A1CF: variants seen among roughly 807,000 people sequenced by gnomAD.
A1CF encodes the protein APOBEC-1 stimulating protein.
A neutral mutation model predicts 68.9 loss-of-function variants in A1CF; 48 were observed. The ratio of observed to expected loss-of-function variants is 0.70; its 90% CI spans 0.55 to 0.89. A1CF has a LOEUF of 0.89. Ranked by LOEUF, A1CF falls within the 40% of genes least tolerant of loss-of-function variation. The pLI, the probability that A1CF is intolerant of heterozygous loss-of-function variation, is 0.00. For synonymous variants in A1CF, 272 were observed against 260.4 expected, an observed-to-expected ratio of 1.04 and a Z score of -0.43; for missense variants, 653 against 718.9, an observed-to-expected ratio of 0.91 and a Z score of 1.05.
At chr10:50,878,492 G>A (rs1165926779) in intron 1 of A1CF, among the ~76,000 whole-genome samples, 3 of 152,194 alleles carry the variant, frequency 2.0e-5, no homozygotes, top group African/African-American at 7.2e-5. Flanking sequence ...GTAGCAAGTG[G>A]TAGAGCCAGA....
chr10:50,835,075 A>G (rs570373177), intron 6 of A1CF, among the ~76,000 whole-genome samples: 33 of 152,262 alleles, frequency 2.2e-4, no homozygotes, highest in African/African-American at 7.7e-4. Flanking sequence ...AGAAGTTGTG[A>G]ATGAAAGATT....
intron 1 of A1CF, among the ~76,000 whole-genome samples, chr10:50,873,761 A>G (rs956802121): frequency 2.6e-5 from 4 of 152,230 alleles, no homozygotes; most frequent in South Asian, 4.1e-4. Flanking sequence ...ACCATCCTAT[A>G]TGGAATCATT....
chr10:50,821,442 A>G (rs545468659), intron 7 of A1CF, among the ~76,000 whole-genome samples: 52 of 152,264 alleles, frequency 3.4e-4, no homozygotes, highest in African/African-American at 1.1e-3. Flanking sequence ...TTTAATGTCT[A>G]TTTTCATGAG....
At chr10:50,836,614 T>C (rs1178421423) in intron 5 of A1CF, among the ~76,000 whole-genome samples, 1 of 151,878 alleles carries the variant, frequency 6.6e-6, no homozygotes, top group Non-Finnish European at 1.5e-5. Context: ...TATGTATACA[T>C]GTGCCATGTT....
intron 3 of A1CF, among the ~76,000 whole-genome samples, chr10:50,853,944 T>C (rs2132503426): frequency 6.6e-6 from 1 of 152,192 alleles, no homozygotes; most frequent in East Asian, 1.9e-4. Context: ...ATTTTCTAAC[T>C]GCAGAACAAA....
chr10:50,822,354 G>A (rs980018199), intron 7 of A1CF, among the ~76,000 whole-genome samples: 1 of 152,166 alleles, frequency 6.6e-6, no homozygotes, highest in African/African-American at 2.4e-5. Flanking sequence ...TCACTTGGGT[G>A]TACCTTGAGA....
At chr10:50,846,831 AT>A (rs1159235408) in intron 3 of A1CF, among the ~76,000 whole-genome samples, 2 of 152,122 alleles carry the variant, frequency 1.3e-5, no homozygotes, top group African/African-American at 4.8e-5. Flanking sequence ...TCCAAAGAAT[AT>A]TTTTTGAGAC....
chr10:50,823,283 G>A (rs4935193), intron 7 of A1CF, among the ~76,000 whole-genome samples: 3,217 of 152,174 alleles, frequency 0.021, 156 homozygotes, highest in Admixed American at 0.11. Context: ...ATTTTATTAT[G>A]TTTCTTCTTT....
chr10:50,820,142 G>A (rs907277044), intron 8 of A1CF, among the ~76,000 whole-genome samples: 1 of 152,184 alleles, frequency 6.6e-6, no homozygotes, highest in South Asian at 2.1e-4. Context: ...CCAAGTGGAA[G>A]ATCAAACTAT....
chr10:50,833,007 T>G (rs1445678976), intron 6 of A1CF, among the ~76,000 whole-genome samples: 1 of 152,194 alleles, frequency 6.6e-6, no homozygotes, highest in Non-Finnish European at 1.5e-5. Flanking sequence ...CCCAGTATCA[T>G]TAGCTGATAG....
At chr10:50,845,880 G>A (rs991358196) in intron 3 of A1CF, among the ~76,000 whole-genome samples, 10 of 151,656 alleles carry the variant, frequency 6.6e-5, no homozygotes, top group African/African-American at 2.4e-4. Context: ...CTTGAACCCA[G>A]GAAGTAGAGG....
rs1837750890 is a variant in A1CF at position 50,804,902 on chromosome 10, T to C, written c.*1827A>G. The C allele has an allele frequency of 6.6e-6, 1 of 152,186 alleles. No homozygotes were observed. The highest frequency in any genetic ancestry group is 2.1e-4 in the South Asian group (1 of 4,826). 9.4% of individuals were successfully genotyped at this position (152,186 alleles called of 1,614,324 possible). ...AGGCACCCATCCAAGGAAATTCTAG[T>C]GTAAATTTTATGAGATATGTTATTG... is the stretch of plus-strand genomic sequence containing the variant. On this transcript the variant is annotated 3_prime_UTR_variant, in exon 13 of 13. Coordinates refer to ENST00000373997, the MANE Select transcript of A1CF (RefSeq NM_014576.4).
At position 50,827,496 on chromosome 10, in the gene A1CF, A is replaced by G. The variant is rs1839008379; in HGVS notation, c.769+635T>C. On this transcript the variant is annotated intron_variant, in intron 7 of 12. Coordinates refer to ENST00000373997, the MANE Select transcript of A1CF (RefSeq NM_014576.4). ...TAAGAAACTCACCCCAAACCACTCA[A>G]CTACAAGGAAACTGAACAGCCTGCT... 2.0e-5 allele frequency among the ~76,000 whole-genome samples: 3 copies of G among 152,200 alleles called. No homozygotes were observed. The South Asian group carries it at 6.2e-4, about 32-fold the overall frequency.
intron 1 of A1CF, among the ~76,000 whole-genome samples, chr10:50,870,781 C>G (rs550842158): frequency 8.4e-4 from 127 of 151,800 alleles, no homozygotes; most frequent in Non-Finnish European, 1.5e-3. Flanking sequence ...TCTACAAACT[C>G]ATCATATCTG....
In A1CF at chr10:50,881,134, T is replaced by C. The variant is rs139344643; in HGVS notation, c.-94+4447A>G. On this transcript the variant is annotated intron_variant, in intron 1 of 12. Transcript: ENST00000373997. ...CCTCCTGGGTAGCTGGGATTACAGG[T>C]ACCCACCACCATGCCTGGCTAATTT... is the stretch of plus-strand genomic sequence containing the variant. 2.2e-3 allele frequency among the ~76,000 whole-genome samples: 338 copies of C among 152,132 alleles called. 4 individuals are homozygous for C. Among genetic ancestry groups the C allele is most frequent in the African/African-American group, 7.8e-3 (323 of 41,544 alleles).
chr10:50,867,235 G>A (rs763330057), intron 1 of A1CF, among the ~76,000 whole-genome samples: 3 of 151,832 alleles, frequency 2.0e-5, no homozygotes, highest in Non-Finnish European at 4.4e-5. Flanking sequence ...GTTTATAGCA[G>A]CAATATTCAT....
chr10:50,850,300 A>G (rs1011239324), intron 3 of A1CF, among the ~76,000 whole-genome samples: 6 of 152,354 alleles, frequency 3.9e-5, no homozygotes, highest in Middle Eastern at 3.4e-3. Context: ...TTATGGAAGC[A>G]GAAGTAATTT....
At chr10:50,879,663 A>C (rs569205771) in intron 1 of A1CF, among the ~76,000 whole-genome samples, 1 of 152,318 alleles carries the variant, frequency 6.6e-6, no homozygotes, top group Non-Finnish European at 1.5e-5. Context: ...AGGTCTCATG[A>C]GAATTCACTC....
At position 50,806,643 on chromosome 10, in the gene A1CF, T is replaced by C; in HGVS notation, c.*86A>G. The C allele has an allele frequency of 2.4e-6, 3 of 1,276,590 alleles. No homozygotes were observed. The highest frequency in any genetic ancestry group is 3.2e-6 in the Non-Finnish European group (3 of 950,880). 79.1% of individuals were successfully genotyped at this position (1,276,590 alleles called of 1,614,324 possible). A position where few individuals can be genotyped will look rare whatever the true frequency, so the allele number is the denominator to read the frequency against. On this transcript the variant is annotated 3_prime_UTR_variant, in exon 13 of 13. Coordinates refer to ENST00000373997, the MANE Select transcript of A1CF (RefSeq NM_014576.4). ...TCTTTAGGAAACATATTATTTATGA[T>C]CATTGGGGACCGAGTTAGAGGTTTA...
Sources: allele counts gnomAD v4.1 joint callset (sites outside exome capture counted in the v4.1 genomes callset), GRCh38; gene constraint gnomAD v4.1.1; transcripts MANE v1.5; gene names NCBI Gene and HGNC (gene_info 2026-07-23, HGNC 2026-07-21).